Variants in TUBGCP5 observed in about 807,000 individuals in gnomAD.
TUBGCP5 encodes the protein tubulin gamma complex component 5.
TUBGCP5 carries 98 observed loss-of-function variants against 134.7 expected under a neutral mutation model. The observed-to-expected ratio is 0.73, with a 90% CI of 0.62 to 0.86. The LOEUF (loss-of-function observed/expected upper bound fraction) is 0.86, where lower values mean the gene tolerates loss of function less well. Among genes scored for constraint, TUBGCP5 ranks in the 40% least tolerant of loss-of-function variants. The pLI is 0.00. For missense variants in TUBGCP5, 1,150 were observed against 1,244.8 expected (o/e 0.92, Z 1.15); for synonymous variants, 456 against 431.4 (o/e 1.06, Z -0.71).
chr15:23,017,273 A>G (rs1429370596), intron 13 of TUBGCP5, among the ~76,000 whole-genome samples: 2 of 152,178 alleles, frequency 1.3e-5, no homozygotes, highest in Non-Finnish European at 2.9e-5. Context: ...TGGGATGACT[A>G]TAGTTAATAA....
At chr15:23,032,170 G>A in intron 4 of TUBGCP5, 141 bp from the exon 5 acceptor site, 1 of 589,540 alleles carries the variant, frequency 1.7e-6, no homozygotes, top group Non-Finnish European at 2.9e-6. Context: ...TTAATAAATT[G>A]ATATCCTAAA....
At chr15:23,027,970 G>A (rs1186481990) in intron 6 of TUBGCP5, among the ~76,000 whole-genome samples, 1 of 152,044 alleles carries the variant, frequency 6.6e-6, no homozygotes, top group African/African-American at 2.4e-5. Flanking sequence ...AATTTTGAAG[G>A]ATTAGATAAC....
intron 23 of TUBGCP5, among the ~76,000 whole-genome samples, chr15:22,993,834 C>T (rs1005637929): frequency 3.3e-5 from 5 of 151,210 alleles, no homozygotes; most frequent in African/African-American, 7.3e-5. Context: ...CGTGAGCCAC[C>T]GTGCCCAGAC....
At position 23,032,815 on chromosome 15, in the gene TUBGCP5, G is replaced by C; in HGVS notation, c.319C>G (p.His107Asp). The C allele has an allele frequency of 6.4e-7, 1 of 1,571,878 alleles. No individual in the cohort carries two copies. The highest frequency in any genetic ancestry group is 8.6e-7 in the Non-Finnish European group (1 of 1,163,430). ...PSIKEIKTDA[H>D]YSILSLLLCL... The stretch of plus-strand genomic sequence containing the variant: ...AGAAGAAGTGACAGTATGGAATAAT[G>C]TGCATCTGTCTTTAAAACAAAAAAA... Residue 107 changes from histidine to aspartate, a missense_variant, in exon 4 of 23, where the codon CAT becomes GAT. This residue lies in a region of TUBGCP5 where 453 missense variants were observed against 394.7 expected (regional missense o/e 1.15). Coordinates refer to ENST00000615383, the MANE Select transcript of TUBGCP5 (RefSeq NM_052903.6).
intron 21 of TUBGCP5, among the ~76,000 whole-genome samples, chr15:23,001,059 T>C (rs902565253): frequency 1.3e-5 from 2 of 152,186 alleles, no homozygotes; most frequent in African/African-American, 4.8e-5. Flanking sequence ...TTTTTTCTTT[T>C]TGAGATGGAG....
In TUBGCP5 at chr15:23,024,838, G is replaced by T; in HGVS notation, c.828-8C>A. ...TTCACTCCTGAAAGTAACCTGAAAT[G>T]AGATTAAAAAAAGACGAGTGTACTT... On this transcript the variant is annotated splice_polypyrimidine_tract_variant and splice_region_variant and intron_variant, in intron 8 of 22. Coordinates refer to ENST00000615383, the MANE Select transcript of TUBGCP5 (RefSeq NM_052903.6). 3.3e-6 allele frequency: 5 copies of T among 1,502,510 alleles called. No homozygotes were observed. The highest frequency in any genetic ancestry group is 4.6e-6 in the Non-Finnish European group (5 of 1,090,260). The allele number at this position is 1,502,510 out of a possible 1,614,324, so 93.1% of individuals were successfully genotyped here. A position where few individuals can be genotyped will look rare whatever the true frequency, so the allele number is the denominator to read the frequency against.
intron 13 of TUBGCP5, among the ~76,000 whole-genome samples, chr15:23,014,979 T>A (rs1010686657): frequency 6.6e-6 from 1 of 152,060 alleles, no homozygotes; most frequent in Non-Finnish European, 1.5e-5. Context: ...CAGCCTGTGG[T>A]CCCAAACCCT....
intron 13 of TUBGCP5, among the ~76,000 whole-genome samples, chr15:23,011,556 G>A (rs2065033346): frequency 6.7e-6 from 1 of 149,280 alleles, no homozygotes; most frequent in Non-Finnish European, 1.5e-5. Context: ...CCAGGCTGGA[G>A]CGCAATGGCG....
At chr15:23,027,371 A>G in intron 6 of TUBGCP5, 65 bp from the exon 7 acceptor site, 1 of 1,290,090 alleles carries the variant, frequency 7.8e-7, no homozygotes, top group Non-Finnish European at 1.1e-6. Flanking sequence ...CAATACCTGG[A>G]CTTACAGCTC....
intron 19 of TUBGCP5, chr15:23,004,441 G>GC: frequency 1.9e-6 from 1 of 526,080 alleles, no homozygotes; most frequent in Non-Finnish European, 3.2e-6. Context: ...CCTGTAGGAC[G>GC]CCCACTTGCA....
At chr15:23,021,265 A>G (rs763196233) in intron 11 of TUBGCP5, among the ~76,000 whole-genome samples, 1 of 152,044 alleles carries the variant, frequency 6.6e-6, no homozygotes, top group Non-Finnish European at 1.5e-5. Flanking sequence ...GCCACTATGC[A>G]TGGCCTAGAT....
intron 13 of TUBGCP5, among the ~76,000 whole-genome samples, chr15:23,017,000 A>AT (rs2065376493): frequency 6.8e-6 from 1 of 147,488 alleles, no homozygotes; most frequent in Non-Finnish European, 1.5e-5. Flanking sequence ...ATATATCTTG[A>AT]AGATAAAAGA....
chr15:22,993,525 G>GTTTTTTTTTTTTT (rs71414252), intron 23 of TUBGCP5, among the ~76,000 whole-genome samples: 5 of 69,286 alleles, frequency 7.2e-5, no homozygotes, highest in African/African-American at 2.4e-4. Flanking sequence ...AGCCCCCGAA[G>GTTTTTTTTTTTTT]TTTTTTTTTT....
rs558040577 is a variant in TUBGCP5, at chr15:22,985,349, G to C, written c.*62-1738C>G. On this transcript the variant is annotated intron_variant and NMD_transcript_variant, in intron 23 of 23. Coordinates refer to the TUBGCP5 transcript ENST00000614508. The stretch of plus-strand genomic sequence containing the variant: ...TTGTCCTGCCTCAGCCTTCCGAGTA[G>C]CTGGGATTACAGGCATGCGCCACCA... Among the ~76,000 whole-genome samples, 50 of 151,604 alleles carry C rather than the reference G, an allele frequency of 3.3e-4. 2 individuals are homozygous for C. In the South Asian group the frequency reaches 9.6e-3, roughly 29 times the overall value.
intron 13 of TUBGCP5, among the ~76,000 whole-genome samples, chr15:23,012,627 C>T (rs952134950): frequency 6.6e-6 from 1 of 152,152 alleles, no homozygotes; most frequent in Non-Finnish European, 1.5e-5. Flanking sequence ...AGGATGGTAT[C>T]GATCTCCTGA....
chr15:23,000,922 G>A (rs2064336072), intron 21 of TUBGCP5, among the ~76,000 whole-genome samples: 1 of 152,014 alleles, frequency 6.6e-6, no homozygotes, highest in South Asian at 2.1e-4. Context: ...GAACTAGGAG[G>A]ACCAAAGATA....
At chr15:23,024,704 T>A (rs779864573) in intron 9 of TUBGCP5, 33 bp downstream of exon 9, 1 of 1,140,140 alleles carries the variant, frequency 8.8e-7, no homozygotes, top group Admixed American at 2.4e-5. Context: ...ATAAATCCTA[T>A]TTCTTAAATT....
intron 6 of TUBGCP5, among the ~76,000 whole-genome samples, chr15:23,028,550 G>A (rs968231897): frequency 4.0e-5 from 6 of 151,818 alleles, no homozygotes; most frequent in African/African-American, 4.8e-5. Context: ...ATTATCTCAC[G>A]GATAAATAGT....
Position 23,024,209 on chromosome 15 carries a change from A to T in TUBGCP5, c.922-16T>A. ...GTAAACAGCTCTACAACACAAGCAA[A>T]CTGCAATTATTCAAAGGTGGTCTTC... On this transcript the variant is annotated splice_polypyrimidine_tract_variant and intron_variant, in intron 9 of 22. Coordinates refer to ENST00000615383, the MANE Select transcript of TUBGCP5 (RefSeq NM_052903.6). The T allele has an allele frequency of 6.2e-7, 1 of 1,606,228 alleles. No individual in the cohort carries two copies. The highest frequency in any genetic ancestry group is 8.5e-7 in the Non-Finnish European group (1 of 1,174,854).
Sources: allele counts gnomAD v4.1 joint callset (sites outside exome capture counted in the v4.1 genomes callset), GRCh38; gene constraint gnomAD v4.1.1; regional missense constraint gnomAD v4.1.1; transcripts MANE v1.5; gene names NCBI Gene and HGNC (gene_info 2026-07-23, HGNC 2026-07-21).